WDR27: variants seen among roughly 807,000 people sequenced by gnomAD.
WDR27 encodes the protein WD repeat domain 27.
A neutral mutation model predicts 114.4 loss-of-function variants in WDR27; 100 were observed. The ratio of observed to expected loss-of-function variants is 0.87; its 90% CI spans 0.74 to 1.03. The LOEUF (loss-of-function observed/expected upper bound fraction) is 1.03, where lower values mean the gene tolerates loss of function less well. Among genes scored for constraint, WDR27 ranks in the 50% least tolerant of loss-of-function variants. WDR27 has a pLI of 0.00. For synonymous variants in WDR27, 449 were observed against 423.1 expected (o/e 1.06, Z -0.75); for missense variants, 1,129 against 1,092.9 (o/e 1.03, Z -0.47).
chr6:169,535,633 T>G (rs901861216), intron 25 of WDR27, among the ~76,000 whole-genome samples: 2 of 152,218 alleles, frequency 1.3e-5, no homozygotes, highest in Non-Finnish European at 2.9e-5. Context: ...ATGTACTTAA[T>G]GCAGCTTAAA....
chr6:169,689,032 A>T lies in WDR27; in HGVS notation c.-7-20T>A. 6.4e-7 allele frequency: 1 copy of T among 1,570,524 alleles called. No homozygotes were observed. Among genetic ancestry groups the T allele is most frequent in the Non-Finnish European group, 8.7e-7 (1 of 1,153,268 alleles). ...TTCAATCTGAAAACAAAAAGTACAT[A>T]TAAGATGACTATAGGTATCATATTT... On this transcript the variant is annotated intron_variant, in intron 1 of 25. Transcript: ENST00000448612.
intron 25 of WDR27, among the ~76,000 whole-genome samples, chr6:169,500,157 G>C (rs908932205): frequency 2.0e-5 from 3 of 152,178 alleles, no homozygotes; most frequent in Admixed American, 1.3e-4. Flanking sequence ...GAATTGCAGA[G>C]ATTAGCACCA....
At chr6:169,631,877 A>C (rs1321625585) in intron 21 of WDR27, among the ~76,000 whole-genome samples, 1 of 152,160 alleles carries the variant, frequency 6.6e-6, no homozygotes, top group Non-Finnish European at 1.5e-5. Flanking sequence ...TGTCCTATTA[A>C]ACAGAAATTT....
chr6:169,508,154 G>A (rs1390078987), intron 25 of WDR27, among the ~76,000 whole-genome samples: 2 of 152,124 alleles, frequency 1.3e-5, no homozygotes, highest in African/African-American at 4.8e-5. Flanking sequence ...TATATGACCA[G>A]ACCAGGCTCA....
At chr6:169,441,995 T>C in the WDR27 span, among the ~76,000 whole-genome samples, 1 of 152,214 alleles carries the variant, frequency 6.6e-6, no homozygotes, top group Non-Finnish European at 1.5e-5. Context: ...TCTATATACA[T>C]AACTGGGATA....
At chr6:169,499,495 C>T (rs983501708) in intron 25 of WDR27, among the ~76,000 whole-genome samples, 5 of 152,172 alleles carry the variant, frequency 3.3e-5, no homozygotes, top group Non-Finnish European at 5.9e-5. Flanking sequence ...TCCTGGAATA[C>T]GATCAGAAAA....
At chr6:169,635,518 T>C (rs1412816320) in intron 19 of WDR27, among the ~76,000 whole-genome samples, 1 of 152,294 alleles carries the variant, frequency 6.6e-6, no homozygotes, top group Non-Finnish European at 1.5e-5. Context: ...CAGAAGTCAC[T>C]CCTGGGATGC....
chr6:169,433,689 T>C, the WDR27 span, among the ~76,000 whole-genome samples: 32 of 152,228 alleles, frequency 2.1e-4, no homozygotes, highest in African/African-American at 7.2e-4. Context: ...ATGGTTGAAC[T>C]AATTTACACT....
chr6:169,490,318 C>G (rs1251810172), intron 25 of WDR27, among the ~76,000 whole-genome samples: 1 of 152,208 alleles, frequency 6.6e-6, no homozygotes, highest in Non-Finnish European at 1.5e-5. Flanking sequence ...AGGAGACAGA[C>G]CCCATGTGGA....
At chr6:169,532,736 T>C (rs926608706) in intron 25 of WDR27, among the ~76,000 whole-genome samples, 3 of 152,120 alleles carry the variant, frequency 2.0e-5, no homozygotes, top group African/African-American at 4.8e-5. Flanking sequence ...AACATGTTCT[T>C]TTCATAGTTG....
At position 169,647,537 on chromosome 6, in the gene WDR27, A is replaced by C. The variant is rs1584879450; in HGVS notation, c.1657+236T>G. ...ACAGCAAATTCGCTGCTAGTGAGTG[A>C]GTGCCAGTGTCTGTGCCCACGCAGG... On this transcript the variant is annotated intron_variant, in intron 16 of 25. Transcript: ENST00000448612. The C allele has an allele frequency of 1.5e-5, 9 of 598,366 alleles. No homozygotes were observed. In the East Asian group the frequency reaches 2.1e-4, roughly 14 times the overall value. 37.1% of individuals were successfully genotyped at this position (598,366 alleles called of 1,614,324 possible).
At chr6:169,568,675 C>T (rs1800886603) in intron 25 of WDR27, among the ~76,000 whole-genome samples, 1 of 152,170 alleles carries the variant, frequency 6.6e-6, no homozygotes, top group South Asian at 2.1e-4. Context: ...CCCAACTTTC[C>T]AATCCTACAT....
rs1817202910 is a variant in WDR27, at chr6:169,634,526, C to A, written c.2004-1G>T. 6.2e-7 allele frequency: 1 copy of A among 1,603,768 alleles called. No individual in the cohort carries two copies. The highest frequency in any genetic ancestry group is 1.3e-5 in the African/African-American group (1 of 74,734). On this transcript the variant is annotated splice_acceptor_variant, in intron 19 of 25. Coordinates refer to ENST00000448612, the MANE Select transcript of WDR27 (RefSeq NM_182552.5). LOFTEE classifies it high-confidence loss of function. The stretch of plus-strand genomic sequence containing the variant: ...CTTGGACTTGCTCTTCTGTTTATAT[C>A]TGGAAGAGAAAATCAAGATGATCAA...
chr6:169,568,146 C>G (rs889373368), intron 25 of WDR27, among the ~76,000 whole-genome samples: 2 of 151,242 alleles, frequency 1.3e-5, no homozygotes, highest in Non-Finnish European at 2.9e-5. Flanking sequence ...AAGCCTGAGT[C>G]TGACAGCAAT....
intron 22 of WDR27, among the ~76,000 whole-genome samples, chr6:169,611,091 A>T (rs1323211636): frequency 6.6e-6 from 1 of 152,144 alleles, no homozygotes; most frequent in African/African-American, 2.4e-5. Context: ...GTGCACCTGT[A>T]TAGGGTCCTT....
At chr6:169,458,945 A>T (rs1784601202) in intron 25 of WDR27, among the ~76,000 whole-genome samples, 1 of 152,180 alleles carries the variant, frequency 6.6e-6, no homozygotes, top group African/African-American at 2.4e-5. Flanking sequence ...AAACAAAAAT[A>T]AACAAAACAA....
the WDR27 span, among the ~76,000 whole-genome samples, chr6:169,427,245 G>T: frequency 1.3e-5 from 2 of 152,116 alleles, no homozygotes; most frequent in Non-Finnish European, 2.9e-5. Flanking sequence ...GGCTACCTGC[G>T]CTCTGAAAGA....
At chr6:169,513,723 A>C (rs1193251296) in intron 25 of WDR27, among the ~76,000 whole-genome samples, 4 of 149,372 alleles carry the variant, frequency 2.7e-5, no homozygotes, top group African/African-American at 9.7e-5. Flanking sequence ...CAATGTGTTT[A>C]TTTATAAGTA....
chr6:169,634,608 T>C, intron 19 of WDR27, 83 bp from the exon 20 acceptor site: 1 of 874,938 alleles, frequency 1.1e-6, no homozygotes, highest in East Asian at 2.8e-5. Context: ...ACATTAAACA[T>C]GAAAAGAAAG....
Sources: allele counts gnomAD v4.1 joint callset (sites outside exome capture counted in the v4.1 genomes callset), GRCh38; gene constraint gnomAD v4.1.1; transcripts MANE v1.5; gene names NCBI Gene and HGNC (gene_info 2026-07-23, HGNC 2026-07-21).